HAPLN3: variants seen among roughly 807,000 people sequenced by gnomAD.
HAPLN3 encodes extracellular link domain containing, 1.
HAPLN3 carries 28 observed loss-of-function variants against 28.1 expected under a neutral mutation model. The observed-to-expected ratio is 1.00, with a 90% CI of 0.74 to 1.37. The LOEUF (loss-of-function observed/expected upper bound fraction) is 1.37. Ranked by LOEUF, HAPLN3 falls within the 40% of genes most tolerant of loss-of-function variation. The pLI is 0.00. For synonymous variants in HAPLN3, 211 were observed against 213.1 expected, an observed-to-expected ratio of 0.99 and a Z score of 0.09; for missense variants, 513 against 504.6, an observed-to-expected ratio of 1.02 and a Z score of -0.16.
In HAPLN3 at chr15:88,880,258, C is replaced by A. The variant is rs78437023; in HGVS notation, c.494-989G>T. ...TGTTTCTCTAGGCTGCCCCTGCAGA[C>A]CCCAGACCAATGACTCTTGCAGGTT... On this transcript the variant is annotated intron_variant, in intron 3 of 4. Coordinates refer to ENST00000359595, the MANE Select transcript of HAPLN3 (RefSeq NM_178232.4). This position sits in a 1 kb window ranked among gnomAD's most constrained non-coding sequence, Gnocchi z 6.0. 407 of 1,040,304 alleles carry A rather than the reference C, an allele frequency of 3.9e-4. 2 individuals carry two copies. In the African/African-American group the frequency reaches 6.4e-3, roughly 16 times the overall value. The allele number at this position is 1,040,304 out of a possible 1,614,324, so 64.4% of individuals were successfully genotyped here. A position where few individuals can be genotyped will look rare whatever the true frequency, so the allele number is the denominator to read the frequency against.
chr15:88,889,579 G>A (rs1177531280), intron 1 of HAPLN3, among the ~76,000 whole-genome samples: 7 of 152,048 alleles, frequency 4.6e-5, no homozygotes, highest in Non-Finnish European at 8.8e-5. Flanking sequence ...CGAGTGATCC[G>A]CCCACCTCGG....
chr15:88,893,755 C>G lies in HAPLN3; in HGVS notation c.-48+1704G>C, dbSNP rs187763334. On this transcript the variant is annotated intron_variant, in intron 1 of 4. Transcript: ENST00000359595. ...CTAGCCTGGCCAACACGGTGAAACC[C>G]CATCTCTACTAAAAATACAAAAATT... Among the ~76,000 whole-genome samples the G allele has an allele frequency of 6.6e-3, 1,007 of 152,122 alleles. 40 individuals carry two copies. The highest frequency in any genetic ancestry group is 0.06 in the Admixed American group (919 of 15,268).
chr15:88,880,330 C>T lies in HAPLN3; in HGVS notation c.493+1027G>A. The T allele has an allele frequency of 9.3e-7, 1 of 1,069,860 alleles. No individual in the cohort carries two copies. The highest frequency in any genetic ancestry group is 2.6e-5 in the South Asian group (1 of 38,926). 66.3% of individuals were successfully genotyped at this position (1,069,860 alleles called of 1,614,324 possible). A position where few individuals can be genotyped will look rare whatever the true frequency, so the allele number is the denominator to read the frequency against. ...CCAACTTCAAGAATGAGGAATGCGGCCCCTCTGAGCCACCATGTAAGCCAT... is the reference window on the plus strand; with the variant it reads ...CCAACTTCAAGAATGAGGAATGCGGTCCCTCTGAGCCACCATGTAAGCCAT... On this transcript the variant is annotated intron_variant, in intron 3 of 4. Coordinates refer to ENST00000359595, the MANE Select transcript of HAPLN3 (RefSeq NM_178232.4). The surrounding 1 kb of genome is among the most constrained non-coding windows in gnomAD (Gnocchi z 6.0).
chr15:88,882,741 C>T lies in HAPLN3; in HGVS notation c.125-1016G>A, dbSNP rs1029514714. 2.6e-5 allele frequency among the ~76,000 whole-genome samples: 4 copies of T among 152,092 alleles called. No homozygotes were observed. In the South Asian group the frequency reaches 6.2e-4, roughly 24 times the overall value. ...GACAGGGGCCAGGCACGGTGGTTCA[C>T]GCTTATAATCCCAACACTTTGAGAG... On this transcript the variant is annotated intron_variant, in intron 2 of 4. Coordinates refer to ENST00000359595, the MANE Select transcript of HAPLN3 (RefSeq NM_178232.4).
rs553725827 is a variant in HAPLN3, at chr15:88,888,078, T to TAAAGATGAG, written c.-47-742_-47-734dup. ...CAGGGTGAATAGAGGGTATGTTAAGTAAAGATGAGTCCTGCATTGTGAACC... is the reference window on the plus strand; with the variant it reads ...CAGGGTGAATAGAGGGTATGTTAAGTAAAGATGAGAAAGATGAGTCCTGCATTGTGAACC... On this transcript the variant is annotated intron_variant, in intron 1 of 4. Transcript: ENST00000359595. This position sits in a 1 kb window ranked among gnomAD's most constrained non-coding sequence, Gnocchi z 4.1. Among the ~76,000 whole-genome samples the TAAAGATGAG allele has an allele frequency of 4.7e-4, 71 of 150,910 alleles. 1 individual carries two copies. In the East Asian group the frequency reaches 0.011, roughly 24 times the overall value.
At position 88,888,104 on chromosome 15, in the gene HAPLN3, C is replaced by T. The variant is rs907673010; in HGVS notation, c.-47-759G>A. ...AAAGATGAGTCCTGCATTGTGAACC[C>T]TTTTTTTTTTTTTTTGAGACAGAGT... On this transcript the variant is annotated intron_variant, in intron 1 of 4. Transcript: ENST00000359595. This position sits in a 1 kb window ranked among gnomAD's most constrained non-coding sequence, Gnocchi z 4.1. 7.1e-6 allele frequency among the ~76,000 whole-genome samples: 1 copy of T among 140,016 alleles called. No individual in the cohort carries two copies. Among genetic ancestry groups the T allele is most frequent in the South Asian group, 2.3e-4 (1 of 4,406 alleles). 91.9% of individuals were successfully genotyped at this position (140,016 alleles called of 152,430 possible).
In HAPLN3 at chr15:88,888,757, C is replaced by A. The variant is rs1897933554; in HGVS notation, c.-47-1412G>T. On this transcript the variant is annotated intron_variant, in intron 1 of 4. Transcript: ENST00000359595. This position sits in a 1 kb window ranked among gnomAD's most constrained non-coding sequence, Gnocchi z 4.1. ...TGTGTTGAGTACCACGATGGAGGTACAGAAACGGGAATGTCCAAATGAGAC... is the reference window on the plus strand; with the variant it reads ...TGTGTTGAGTACCACGATGGAGGTAAAGAAACGGGAATGTCCAAATGAGAC... 6.6e-6 allele frequency among the ~76,000 whole-genome samples: 1 copy of A among 152,154 alleles called. No homozygotes were observed. The highest frequency in any genetic ancestry group is 1.5e-5 in the Non-Finnish European group (1 of 68,036).
rs1897714569 is a variant in HAPLN3 at position 88,881,844 on chromosome 15, T to C, written c.125-119A>G. On this transcript the variant is annotated intron_variant, in intron 2 of 4. Transcript: ENST00000359595. This position sits in a 1 kb window ranked among gnomAD's most constrained non-coding sequence, Gnocchi z 6.0. Reference sequence around the variant, plus strand: ...GCTCAGATTGCAAAAATGGCCACCATGCTCCACCCCTCCCTGTATCCACAT... The same window carrying C: ...GCTCAGATTGCAAAAATGGCCACCACGCTCCACCCCTCCCTGTATCCACAT... 1 of 976,048 alleles carries C rather than the reference T, an allele frequency of 1.0e-6. No individual in the cohort carries two copies. Among genetic ancestry groups the C allele is most frequent in the Admixed American group, 2.6e-5 (1 of 38,040 alleles). The allele number at this position is 976,048 out of a possible 1,614,324, so 60.5% of individuals were successfully genotyped here.
In HAPLN3 at chr15:88,879,236, C is replaced by G. The variant is rs777176844; in HGVS notation, c.527G>C (p.Arg176Pro). The change falls in exon 4 of 5, where the codon CGC becomes CCC. Residue 176 changes from arginine to proline, a missense_variant. By Grantham distance (103) the Arg-to-Pro change is moderately radical. Coordinates refer to ENST00000359595, the MANE Select transcript of HAPLN3 (RefSeq NM_178232.4). The surrounding 1 kb of genome is among the most constrained non-coding windows in gnomAD (Gnocchi z 5.0). ...VVFPYQSPNG[R>P]YQFNFHEGQQ... ...GCCCTCGTGGAAGTTGAACTGGTAG[C>G]GCCCGTTGGGGGACTGGTAAGGAAA... 1.9e-6 allele frequency: 3 copies of G among 1,609,362 alleles called. No homozygotes were observed. Among genetic ancestry groups the G allele is most frequent in the Non-Finnish European group, 2.5e-6 (3 of 1,177,342 alleles).
At position 88,881,863 on chromosome 15, in the gene HAPLN3, T is replaced by G. The variant is rs1172281643; in HGVS notation, c.125-138A>C. On this transcript the variant is annotated intron_variant, in intron 2 of 4. Coordinates refer to ENST00000359595, the MANE Select transcript of HAPLN3 (RefSeq NM_178232.4). The surrounding 1 kb of genome is among the most constrained non-coding windows in gnomAD (Gnocchi z 6.0). ...CCACCATGCTCCACCCCTCCCTGTA[T>G]CCACATGCTCTGCAATGTGACTTTG... The G allele has an allele frequency of 3.9e-6, 3 of 775,548 alleles. No individual in the cohort carries two copies. Among genetic ancestry groups the G allele is most frequent in the South Asian group, 3.6e-5 (2 of 55,336 alleles). 48.0% of individuals were successfully genotyped at this position (775,548 alleles called of 1,614,324 possible).
chr15:88,878,999 T>TCC lies in HAPLN3; in HGVS notation c.763_764insGG (p.Tyr255TrpfsTer24). On this transcript the variant is annotated frameshift_variant, in exon 4 of 5. Coordinates refer to ENST00000359595, the MANE Select transcript of HAPLN3 (RefSeq NM_178232.4). LOFTEE classifies it low-confidence loss of function (END_TRUNC). ...GGCAGTAGCGAAGCAGAATACATCA[T>TCC]AGCGGTGCAGGCGGCGGTGGCGGGG... is the stretch of plus-strand genomic sequence containing the variant. 6.2e-7 allele frequency: 1 copy of TCC among 1,610,660 alleles called. No homozygotes were observed. The highest frequency in any genetic ancestry group is 8.5e-7 in the Non-Finnish European group (1 of 1,179,024).
At chr15:88,893,396 C>G (rs113816368) in intron 1 of HAPLN3, among the ~76,000 whole-genome samples, 1 of 150,646 alleles carries the variant, frequency 6.6e-6, no homozygotes, top group African/African-American at 2.4e-5. Flanking sequence ...CCAGACTGGC[C>G]GACAGAGCAA....
rs1010827848 is a variant in HAPLN3, at chr15:88,880,886, A to G, written c.493+471T>C. On this transcript the variant is annotated intron_variant, in intron 3 of 4. Transcript: ENST00000359595. The surrounding 1 kb of genome is among the most constrained non-coding windows in gnomAD (Gnocchi z 6.0). Reference sequence around the variant, plus strand: ...GGCGTGGCATCATCAGCTGGGCCTGAGTAGTGTGGGAGCTCCCTGGGCACA... The same window carrying G: ...GGCGTGGCATCATCAGCTGGGCCTGGGTAGTGTGGGAGCTCCCTGGGCACA... Among the ~76,000 whole-genome samples, 3 of 152,188 alleles carry G rather than the reference A, an allele frequency of 2.0e-5. No individual in the cohort carries two copies. The highest frequency in any genetic ancestry group is 7.2e-5 in the African/African-American group (3 of 41,444).
At position 88,879,701 on chromosome 15, in the gene HAPLN3, C is replaced by A. The variant is rs1897644152; in HGVS notation, c.494-432G>T. 18 of 1,177,960 alleles carry A rather than the reference C, an allele frequency of 1.5e-5. No individual in the cohort carries two copies. The highest frequency in any genetic ancestry group is 1.9e-5 in the Non-Finnish European group (18 of 936,908). The allele number at this position is 1,177,960 out of a possible 1,614,324, so 73.0% of individuals were successfully genotyped here. A position where few individuals can be genotyped will look rare whatever the true frequency, so the allele number is the denominator to read the frequency against. On this transcript the variant is annotated intron_variant, in intron 3 of 4. Coordinates refer to ENST00000359595, the MANE Select transcript of HAPLN3 (RefSeq NM_178232.4). The surrounding 1 kb of genome is among the most constrained non-coding windows in gnomAD (Gnocchi z 5.0). ...AATGTGGAAATTTCCTAGGAAAATG[C>A]AAGGAACTTTCCACGTGTGGCAGAT...
chr15:88,892,143 T>G (rs1263251922), intron 1 of HAPLN3, among the ~76,000 whole-genome samples: 1 of 152,092 alleles, frequency 6.6e-6, no homozygotes, highest in Non-Finnish European at 1.5e-5. Context: ...TAACCTCACA[T>G]TGAGGGGGAT....
rs549076731 is a variant in HAPLN3 at position 88,879,012 on chromosome 15, G to C, written c.751C>G (p.Arg251Gly). ...GVRSYGPRHRRLHRYDVFCFA... is the reference protein window; with the variant it reads ...GVRSYGPRHRGLHRYDVFCFA... Reference sequence around the variant, plus strand: ...CAGAATACATCATAGCGGTGCAGGCGGCGGTGGCGGGGGCCGTAGCTTCGC... The same window carrying C: ...CAGAATACATCATAGCGGTGCAGGCCGCGGTGGCGGGGGCCGTAGCTTCGC... The change falls in exon 4 of 5, where the codon CGC becomes GGC. Residue 251 changes from arginine to glycine, a missense_variant. Coordinates refer to ENST00000359595, the MANE Select transcript of HAPLN3 (RefSeq NM_178232.4). This position sits in a 1 kb window ranked among gnomAD's most constrained non-coding sequence, Gnocchi z 5.0. 6.2e-7 allele frequency: 1 copy of C among 1,609,926 alleles called. No individual in the cohort carries two copies. Among genetic ancestry groups the C allele is most frequent in the Admixed American group, 1.7e-5 (1 of 59,630 alleles).
Position 88,889,990 on chromosome 15 carries a change from AAGGG to A in HAPLN3, c.-47-2649_-47-2646del, listed in dbSNP as rs551221211. Reference sequence around the variant, plus strand: ...GGAGAAAGGAAGGAAGGAAAGAAGGAAGGGAGGGAGGGAGGGAGGGAGGGAGGAA... The same window carrying A: ...GGAGAAAGGAAGGAAGGAAAGAAGGAAGGGAGGGAGGGAGGGAGGGAGGAA... On this transcript the variant is annotated intron_variant, in intron 1 of 4. Transcript: ENST00000359595. Among the ~76,000 whole-genome samples the A allele has an allele frequency of 8.1e-3, 1,017 of 126,232 alleles. 20 individuals carry two copies. Among genetic ancestry groups the A allele is most frequent in the South Asian group, 0.081 (253 of 3,142 alleles). The allele number at this position is 126,232 out of a possible 152,430, so 82.8% of individuals were successfully genotyped here.
At chr15:88,892,149 G>C (rs1207382128) in intron 1 of HAPLN3, among the ~76,000 whole-genome samples, 1 of 152,098 alleles carries the variant, frequency 6.6e-6, no homozygotes, top group Non-Finnish European at 1.5e-5. Context: ...CACATTGAGG[G>C]GGATGCCAAG....
intron 4 of HAPLN3, 75 bp downstream of exon 4, chr15:88,878,892 T>G (rs1897609078): frequency 1.4e-6 from 2 of 1,425,580 alleles, no homozygotes; most frequent in African/African-American, 1.4e-5. Flanking sequence ...GGGCCAGAGC[T>G]CCCCAGAAGC....
Sources: allele counts gnomAD v4.1 joint callset (sites outside exome capture counted in the v4.1 genomes callset), GRCh38; gene constraint gnomAD v4.1.1; non-coding constraint Gnocchi (gnomAD v3.1); transcripts MANE v1.5; gene names NCBI Gene and HGNC (gene_info 2026-07-23, HGNC 2026-07-21).